The following CXADR variants were observed in gnomAD, a reference collection of about 807,000 sequenced individuals.
CXADR encodes the protein coxsackievirus and adenovirus receptor.
Under a neutral mutation model 40.3 loss-of-function variants are expected in CXADR, and 20 were observed. The ratio of observed to expected loss-of-function variants is 0.50; its 90% CI spans 0.35 to 0.72. CXADR has a LOEUF of 0.72. CXADR is among the 30% of genes least tolerant of loss of function. CXADR has a pLI of 0.01. For synonymous variants in CXADR, 150 were observed against 161.3 expected (o/e 0.93, Z 0.53); for missense variants, 332 against 449.1 (o/e 0.74, Z 2.36).
At chr21:17,594,440 T>G, downstream of CXADR, 1 of 1,293,784 alleles carries the variant, frequency 7.7e-7, no homozygotes, top group Non-Finnish European at 1.1e-6. Context: ...TGAGATCACA[T>G]CTAAGTGACA....
intron 3 of CXADR, among the ~76,000 whole-genome samples, chr21:17,555,171 A>T (rs1457211481): frequency 2.0e-5 from 3 of 152,170 alleles, no homozygotes; most frequent in African/African-American, 4.8e-5. Context: ...GGGCCTGTTT[A>T]TTGAAACCTT....
At chr21:17,610,164 G>C in the CXADR span, among the ~76,000 whole-genome samples, 1 of 152,214 alleles carries the variant, frequency 6.6e-6, no homozygotes, top group African/African-American at 2.4e-5. Context: ...GGCCTACGGG[G>C]AAGTGGGAAA....
In CXADR at chr21:17,561,839, A is replaced by G. The variant is rs541555227; in HGVS notation, c.833+363A>G. ...TGTATCAAGTAATCTGGAAGTTTGT[A>G]GAACAATTGGTAGTATAATTTTTAT... On this transcript the variant is annotated intron_variant, in intron 6 of 6. Transcript: ENST00000284878. Among the ~76,000 whole-genome samples, 3 of 152,324 alleles carry G rather than the reference A, an allele frequency of 2.0e-5. No homozygotes were observed. In the South Asian group the frequency reaches 6.2e-4, roughly 32 times the overall value.
intron 7 of CXADR, among the ~76,000 whole-genome samples, chr21:17,583,554 C>T (rs1446619931): frequency 1.3e-5 from 2 of 152,226 alleles, no homozygotes; most frequent in Non-Finnish European, 2.9e-5. Flanking sequence ...ACTTGAAATA[C>T]GCTACCATCT....
intron 3 of CXADR, among the ~76,000 whole-genome samples, chr21:17,554,062 A>G (rs2061003864): frequency 6.6e-6 from 1 of 152,214 alleles, no homozygotes; most frequent in Non-Finnish European, 1.5e-5. Context: ...GAAGCAGAAG[A>G]TATTTGATTA....
intron 4 of CXADR, among the ~76,000 whole-genome samples, chr21:17,559,668 GGTTTTTTTT>G (rs1346379431): frequency 2.8e-5 from 3 of 106,218 alleles, no homozygotes; most frequent in South Asian, 5.8e-4. Context: ...CTTTTTTTTG[GGTTTTTTTT>G]TTTTTTTTTT....
the CXADR span, among the ~76,000 whole-genome samples, chr21:17,634,422 C>G: frequency 6.6e-6 from 1 of 152,194 alleles, no homozygotes; most frequent in South Asian, 2.1e-4. Flanking sequence ...AAACAGGGCT[C>G]TTTTCGGAGT....
chr21:17,622,866 T>C, the CXADR span, among the ~76,000 whole-genome samples: 1 of 152,206 alleles, frequency 6.6e-6, no homozygotes, highest in East Asian at 1.9e-4. Flanking sequence ...ACTAAAATGT[T>C]TCAGAGCAAC....
chr21:17,610,634 T>C, the CXADR span, among the ~76,000 whole-genome samples: 6,030 of 152,332 alleles, frequency 0.04, 362 homozygotes, highest in African/African-American at 0.14. Context: ...ATGTTGTCTC[T>C]ACTCAGTGAG....
chr21:17,547,050 A>C lies in CXADR; in HGVS notation c.67A>C (p.Thr23Pro), dbSNP rs769721975. 7.4e-6 allele frequency: 12 copies of C among 1,612,978 alleles called. No homozygotes were observed. In the East Asian group the frequency reaches 2.5e-4, roughly 33 times the overall value. Residue 23 changes from threonine (T) to proline (P), a missense_variant, in exon 2 of 7, where the codon ACT (threonine) becomes CCT (proline). Thr to Pro is a conservative substitution (Grantham distance 38). Coordinates refer to ENST00000284878, the MANE Select transcript of CXADR (RefSeq NM_001338.5). The part of the protein sequence containing the change: ...VVDFARSLSI[T>P]TPEEMIEKAK... ...AGATTTCGCCAGAAGTTTGAGTATC[A>C]CTACTCCTGAAGAGATGATTGAAAA...
At chr21:17,625,072 T>A in the CXADR span, among the ~76,000 whole-genome samples, 1 of 152,190 alleles carries the variant, frequency 6.6e-6, no homozygotes, top group African/African-American at 2.4e-5. Context: ...TATTCACTCC[T>A]GGATTTGCCC....
At chr21:17,525,059 G>A (rs1307295365) in intron 1 of CXADR, among the ~76,000 whole-genome samples, 1 of 152,178 alleles carries the variant, frequency 6.6e-6, no homozygotes, top group African/African-American at 2.4e-5. Context: ...AAGGGAAGGA[G>A]ATAATAGTAA....
At chr21:17,577,781 C>T (rs2061332847) in intron 7 of CXADR, among the ~76,000 whole-genome samples, 1 of 151,956 alleles carries the variant, frequency 6.6e-6, no homozygotes, top group Non-Finnish European at 1.5e-5. Context: ...AAACTTTTTA[C>T]CTGTTGAATA....
At chr21:17,536,570 CTGAA>C (rs2060760515) in intron 1 of CXADR, among the ~76,000 whole-genome samples, 1 of 152,050 alleles carries the variant, frequency 6.6e-6, no homozygotes, top group African/African-American at 2.4e-5. Context: ...AGAAGGCTGA[CTGAA>C]TAAGTCTAGG....
At chr21:17,515,065 C>T (rs2060443177) in intron 1 of CXADR, among the ~76,000 whole-genome samples, 1 of 151,684 alleles carries the variant, frequency 6.6e-6, no homozygotes, top group African/African-American at 2.4e-5. Context: ...AAGGTATACA[C>T]GGGTACAGTG....
chr21:17,538,646 GAAAATA>G (rs1293442486), intron 1 of CXADR, among the ~76,000 whole-genome samples: 2 of 151,694 alleles, frequency 1.3e-5, no homozygotes, highest in South Asian at 2.1e-4. Flanking sequence ...ACTCCACTGG[GAAAATA>G]AAAATAAAAA....
At chr21:17,521,906 C>G (rs2060535335) in intron 1 of CXADR, among the ~76,000 whole-genome samples, 1 of 152,198 alleles carries the variant, frequency 6.6e-6, no homozygotes, top group African/African-American at 2.4e-5. Flanking sequence ...TCAGGGATGT[C>G]ACTCTGTTAT....
chr21:17,613,363 G>A, the CXADR span: 1 of 152,712 alleles, frequency 6.5e-6, no homozygotes, highest in Admixed American at 6.5e-5. Flanking sequence ...GGCTTCATGG[G>A]GGACACGGAC....
the CXADR span, among the ~76,000 whole-genome samples, chr21:17,605,701 C>A: frequency 6.6e-6 from 1 of 152,154 alleles, no homozygotes; most frequent in Non-Finnish European, 1.5e-5. Flanking sequence ...TATTATACGA[C>A]ATCTACCTAA....
Sources: gnomAD v4.1 joint callset for allele counts (sites outside exome capture counted in the v4.1 genomes callset) on GRCh38, gnomAD v4.1.1 for gene constraint, MANE v1.5 for transcripts, NCBI Gene and HGNC (gene_info 2026-07-23, HGNC 2026-07-21) for gene names.